The following TNRC6B variants were observed in gnomAD, a reference collection of about 807,000 sequenced individuals.
The protein encoded by TNRC6B is trinucleotide repeat containing adaptor 6B.
A neutral mutation model predicts 203.6 loss-of-function variants in TNRC6B; 52 were observed. The ratio of observed to expected loss-of-function variants is 0.26; its 90% CI spans 0.20 to 0.32. The LOEUF (loss-of-function observed/expected upper bound fraction) is 0.32. TNRC6B is among the 10% of genes least tolerant of loss of function. TNRC6B has a pLI of 1.00. For synonymous variants in TNRC6B, 838 were observed against 845.7 expected (o/e 0.99, Z 0.16); for missense variants, 1,923 against 2,286.2 (o/e 0.84, Z 3.24).
Position 40,281,169 on chromosome 22 carries a change from C to T in TNRC6B, c.3462C>T (p.Pro1154=). 6.4e-7 allele frequency: 1 copy of T among 1,551,300 alleles called. No homozygotes were observed. Residue 1154 remains proline (P), a synonymous_variant, in exon 11 of 23, where the codon CCC becomes CCT. Coordinates refer to ENST00000454349, the MANE Select transcript of TNRC6B (RefSeq NM_001162501.2). ...NQDGCLGDEA[P]CSPFSPSPSY... ...ATGGGTGCCTTGGGGATGAGGCTCC[C>T]TGCTCTCCCTTCTCCCCTTCTCCCA... is the stretch of plus-strand genomic sequence containing the variant.
chr22:40,053,450 A>G (rs1411245173), intron 1 of TNRC6B, among the ~76,000 whole-genome samples: 1 of 151,410 alleles, frequency 6.6e-6, no homozygotes, highest in Non-Finnish European at 1.5e-5. Flanking sequence ...AAGCGCAGGA[A>G]TGACTGAAAA....
In TNRC6B at chr22:40,261,847, A is replaced by C. The variant is rs1452582330; in HGVS notation, c.131A>C (p.Lys44Thr). 6.4e-7 allele frequency: 1 copy of C among 1,573,302 alleles called. No individual in the cohort carries two copies. The highest frequency in any genetic ancestry group is 1.3e-5 in the African/African-American group (1 of 74,370). The change falls in exon 4 of 23, where the codon AAA (lysine) becomes ACA (threonine). Residue 44 changes from lysine to threonine, a missense_variant. By Grantham distance (78) the Lys-to-Thr change is moderately conservative. Coordinates refer to ENST00000454349, the MANE Select transcript of TNRC6B (RefSeq NM_001162501.2). ...EQKTKVPEVT[K>T]PSLSQPTAAS... Reference sequence around the variant, plus strand: ...TCTCTTTTAGTGCCCGAAGTGACGAAACCAAGTTTAAGCCAACCAACGGCC... The same window carrying C: ...TCTCTTTTAGTGCCCGAAGTGACGACACCAAGTTTAAGCCAACCAACGGCC...
chr22:40,300,405 A>G, intron 12 of TNRC6B, 50 bp from the exon 13 acceptor site: 1 of 1,464,416 alleles, frequency 6.8e-7, no homozygotes, highest in Non-Finnish European at 9.1e-7. Context: ...TTATTTTGAT[A>G]AATTCTGAAG....
At chr22:40,105,947 G>A (rs775578978) in intron 1 of TNRC6B, among the ~76,000 whole-genome samples, 2 of 152,158 alleles carry the variant, frequency 1.3e-5, no homozygotes, top group Non-Finnish European at 2.9e-5. Context: ...AATCATATCA[G>A]ACTTTGATGT....
At chr22:40,205,788 A>G (rs925156710) in intron 1 of TNRC6B, among the ~76,000 whole-genome samples, 3 of 152,202 alleles carry the variant, frequency 2.0e-5, no homozygotes, top group Admixed American at 2.0e-4. Context: ...TGAATCCACA[A>G]GTGCAGTAAG....
intron 22 of TNRC6B, chr22:40,321,456 C>T (rs759705344): frequency 7.6e-5 from 37 of 489,658 alleles, no homozygotes; most frequent in Middle Eastern, 5.5e-4. Context: ...GAATTCCAAA[C>T]GTAAATAATT....
chr22:40,231,670 A>G (rs1172746963), intron 1 of TNRC6B, among the ~76,000 whole-genome samples: 2 of 152,202 alleles, frequency 1.3e-5, no homozygotes, highest in Admixed American at 6.5e-5. Context: ...GATTTTCCAA[A>G]TAGGAAAGAT....
In TNRC6B at chr22:40,263,534, A is replaced by G. The variant is rs930091890; in HGVS notation, c.458-1154A>G. On this transcript the variant is annotated intron_variant, in intron 4 of 22. Transcript: ENST00000454349. Reference sequence around the variant, plus strand: ...CATTATTAAAACGGAGGAGGCCCCTAAATCTCGAGTTTCGGTTTCTATGCT... The same window carrying G: ...CATTATTAAAACGGAGGAGGCCCCTGAATCTCGAGTTTCGGTTTCTATGCT... 3.9e-5 allele frequency among the ~76,000 whole-genome samples: 6 copies of G among 152,212 alleles called. No individual in the cohort carries two copies. In the East Asian group the frequency reaches 9.6e-4, roughly 24 times the overall value.
Position 40,322,935 on chromosome 22 carries a change from C to G in TNRC6B, c.5196C>G (p.Pro1732=). The change falls in exon 23 of 23, where the codon CCC becomes CCG. Residue 1732 remains proline (P), a synonymous_variant. Coordinates refer to ENST00000454349, the MANE Select transcript of TNRC6B (RefSeq NM_001162501.2). ...EVSRFLAQAQ[P]PTPAATPSAP... ...GCCGCTTTCTGGCACAAGCTCAGCC[C>G]CCTACACCTGCAGCAACCCCAAGTG... 1 of 1,613,782 alleles carries G rather than the reference C, an allele frequency of 6.2e-7. No homozygotes were observed. Among genetic ancestry groups the G allele is most frequent in the Non-Finnish European group, 8.5e-7 (1 of 1,179,792 alleles).
chr22:40,233,577 G>T (rs185979268), intron 1 of TNRC6B, among the ~76,000 whole-genome samples: 1 of 151,204 alleles, frequency 6.6e-6, no homozygotes, highest in Non-Finnish European at 1.5e-5. Context: ...AGCTGAGATC[G>T]CACCACTGCA....
chr22:40,150,245 G>A (rs567434046), intron 3 of TNRC6B, among the ~76,000 whole-genome samples: 3 of 152,166 alleles, frequency 2.0e-5, no homozygotes, highest in South Asian at 2.1e-4. Context: ...AGGCGTGGTC[G>A]TGGGCGCCTG....
At chr22:40,164,167 A>G (rs2146360730) in intron 4 of TNRC6B, among the ~76,000 whole-genome samples, 1 of 151,980 alleles carries the variant, frequency 6.6e-6, no homozygotes, top group Non-Finnish European at 1.5e-5. Context: ...GGATCACTTG[A>G]GGTTAGGAGT....
chr22:40,137,736 C>A (rs1450196892), intron 3 of TNRC6B, among the ~76,000 whole-genome samples: 2 of 152,152 alleles, frequency 1.3e-5, no homozygotes, highest in African/African-American at 4.8e-5. Flanking sequence ...ATAATCCCAG[C>A]ACTTTGGGAG....
At chr22:40,277,760 C>T (rs1477870913) in intron 8 of TNRC6B, among the ~76,000 whole-genome samples, 2 of 152,202 alleles carry the variant, frequency 1.3e-5, no homozygotes, top group Non-Finnish European at 2.9e-5. Flanking sequence ...TTATCTATTG[C>T]TCTCTTTGTA....
chr22:40,044,994 C>T (rs947753611), exon 1 of TNRC6B: 8 of 150,416 alleles, frequency 5.3e-5, no homozygotes, highest in African/African-American at 1.9e-4. Flanking sequence ...CGGCACGGCT[C>T]GGCGGTGAGT....
chr22:40,067,272 TA>T (rs1289713504), intron 1 of TNRC6B, among the ~76,000 whole-genome samples: 19 of 152,256 alleles, frequency 1.2e-4, no homozygotes, highest in Non-Finnish European at 2.2e-4. Flanking sequence ...TAAGTTTAAT[TA>T]AAAGCTATTC....
chr22:40,140,255 A>G lies in TNRC6B; in HGVS notation c.45+14393A>G, dbSNP rs532642271. Among the ~76,000 whole-genome samples, 4 of 152,318 alleles carry G rather than the reference A, an allele frequency of 2.6e-5. No homozygotes were observed. In the South Asian group the frequency reaches 6.2e-4, roughly 24 times the overall value. On this transcript the variant is annotated intron_variant, in intron 3 of 23. Transcript: ENST00000301923. ...AAAAAAAACCACTTCTTGCTTAGCTATAGAACCACAAATTTTAACTGATAA... is the reference window on the plus strand; with the variant it reads ...AAAAAAAACCACTTCTTGCTTAGCTGTAGAACCACAAATTTTAACTGATAA...
intron 1 of TNRC6B, among the ~76,000 whole-genome samples, chr22:40,091,623 A>G (rs1196375771): frequency 6.6e-6 from 1 of 152,226 alleles, no homozygotes; most frequent in Non-Finnish European, 1.5e-5. Flanking sequence ...TTTTAAAAAT[A>G]TATTAGAGAT....
chr22:40,280,558 T>C (rs1601485764), intron 10 of TNRC6B, among the ~76,000 whole-genome samples: 1 of 152,244 alleles, frequency 6.6e-6, no homozygotes, highest in East Asian at 1.9e-4. Flanking sequence ...TAGCGATCTG[T>C]GTTTAGTTAC....
Sources: gnomAD v4.1 joint callset for allele counts (sites outside exome capture counted in the v4.1 genomes callset) on GRCh38, gnomAD v4.1.1 for gene constraint, MANE v1.5 for transcripts, NCBI Gene and HGNC (gene_info 2026-07-23, HGNC 2026-07-21) for gene names.